Variants in PC observed in about 807,000 individuals in gnomAD.
PC encodes pyruvate carboxylase, mitochondrial.
A neutral mutation model predicts 107.8 loss-of-function variants in PC; 46 were observed. The ratio of observed to expected loss-of-function variants is 0.43; its 90% CI spans 0.34 to 0.55. The LOEUF is 0.55. Ranked by LOEUF, PC falls within the 20% of genes least tolerant of loss-of-function variation. The pLI is 0.04. For missense variants in PC, 1,241 were observed against 1,643.1 expected (o/e 0.76, Z 4.23); for synonymous variants, 662 against 684.7 (o/e 0.97, Z 0.52).
At chr11:66,956,020 G>A (rs1301080532) in intron 1 of PC, among the ~76,000 whole-genome samples, 3 of 151,894 alleles carry the variant, frequency 2.0e-5, no homozygotes, top group South Asian at 2.1e-4. Context: ...TGATCCACCC[G>A]CCTCGGCCTC....
intron 3 of PC, among the ~76,000 whole-genome samples, chr11:66,918,381 C>T (rs1298493328): frequency 2.0e-5 from 3 of 151,156 alleles, no homozygotes; most frequent in African/African-American, 7.3e-5. Flanking sequence ...AAAACATATA[C>T]AAAATCTACT....
In PC at chr11:66,858,306, G is replaced by A. The variant is rs780855988; in HGVS notation, c.1369-4923C>T. 15 of 1,610,146 alleles carry A rather than the reference G, an allele frequency of 9.3e-6. No homozygotes were observed. The highest frequency in any genetic ancestry group is 6.7e-5 in the Admixed American group (4 of 59,950). On this transcript the variant is annotated intron_variant, in intron 12 of 22. Transcript: ENST00000393960. The surrounding 1 kb of genome is among the most constrained non-coding windows in gnomAD (Gnocchi z 5.9). ...CCTTATTGACGCACTGCCCCCAGGC[G>A]CCTTCGCCCAGCTCGGTCAGCTCTC...
chr11:66,858,739 C>G lies in PC; in HGVS notation c.1368+5035G>C. On this transcript the variant is annotated intron_variant, in intron 12 of 22. Coordinates refer to ENST00000393960, the MANE Select transcript of PC (RefSeq NM_001040716.2). This position sits in a 1 kb window ranked among gnomAD's most constrained non-coding sequence, Gnocchi z 5.9. ...AACTCCTCCCGAGCCCGGGCTTTCC[C>G]CAACGGGACCTTAGAGATTGGGGTG... 1 of 1,553,196 alleles carries G rather than the reference C, an allele frequency of 6.4e-7. No homozygotes were observed. Among genetic ancestry groups the G allele is most frequent in the Non-Finnish European group, 8.7e-7 (1 of 1,148,050 alleles).
chr11:66,937,572 CAT>C (rs1949029524), intron 3 of PC, among the ~76,000 whole-genome samples: 1 of 152,042 alleles, frequency 6.6e-6, no homozygotes, highest in South Asian at 2.1e-4. Flanking sequence ...TCTCATGATG[CAT>C]ATGTTGATTT....
Position 66,870,498 on chromosome 11 carries a change from A to C in PC, c.752-45T>G. 6.2e-7 allele frequency: 1 copy of C among 1,600,918 alleles called. No individual in the cohort carries two copies. Among genetic ancestry groups the C allele is most frequent in the Non-Finnish European group, 8.5e-7 (1 of 1,174,476 alleles). On this transcript the variant is annotated intron_variant, in intron 8 of 22. Transcript: ENST00000393960. The surrounding 1 kb of genome is among the most constrained non-coding windows in gnomAD (Gnocchi z 6.1). ...GGGCTTAGCTTTTACTGGAATCTAC[A>C]CGCCTCCTAAATGCCCCATCACCCC...
intron 12 of PC, chr11:66,859,989 C>T (rs770897306): frequency 1.3e-6 from 2 of 1,599,060 alleles, no homozygotes; most frequent in Admixed American, 1.7e-5. Context: ...CAGCCCCACA[C>T]CCAAGGCCCA....
In PC at chr11:66,870,954, A is replaced by G. The variant is rs1180232722; in HGVS notation, c.634-62T>C. On this transcript the variant is annotated intron_variant, in intron 7 of 22. Transcript: ENST00000393960. The surrounding 1 kb of genome is among the most constrained non-coding windows in gnomAD (Gnocchi z 6.1). ...CCCACAGCGCTACCTCTCCCCTGCC[A>G]TGAACCCCACCCACTTTCCAGATCC... 8.7e-6 allele frequency: 14 copies of G among 1,605,526 alleles called. No individual in the cohort carries two copies. Among genetic ancestry groups the G allele is most frequent in the Non-Finnish European group, 1.2e-5 (14 of 1,175,044 alleles).
Position 66,850,855 on chromosome 11 carries a change from G to T in PC, c.2292C>A (p.Pro764=). 1.2e-6 allele frequency: 2 copies of T among 1,611,726 alleles called. No individual in the cohort carries two copies. The highest frequency in any genetic ancestry group is 1.7e-6 in the Non-Finnish European group (2 of 1,179,972). The part of the protein sequence containing the change: ...MLVSSLRDRF[P]DLPLHIHTHD... ...GGGTGTGGATGTGCAGTGGGAGGTC[G>T]GGGAAGCGGTCCCGGAGGGAGCTGA... Residue 764 remains proline, a synonymous_variant, in exon 18 of 23, where the codon CCC becomes CCA. Transcript: ENST00000393960.
Position 66,851,840 on chromosome 11 carries a change from C to T in PC, c.1932G>A (p.Arg644=). 1 of 1,614,178 alleles carries T rather than the reference C, an allele frequency of 6.2e-7. No homozygotes were observed. Among genetic ancestry groups the T allele is most frequent in the Non-Finnish European group, 8.5e-7 (1 of 1,180,028 alleles). The change falls in exon 16 of 23, where the codon CGG becomes CGA. Residue 644 remains arginine (R), a synonymous_variant. Transcript: ENST00000393960. ...TGGTGTAGCCCACAGCATTGGCCCC[C>T]CGCAGCAGCATCTGGAAAGGGATGT... ...IPNIPFQMLL[R]GANAVGYTNY...
chr11:66,923,080 C>T (rs1239135717), intron 3 of PC, among the ~76,000 whole-genome samples: 2 of 152,116 alleles, frequency 1.3e-5, no homozygotes, highest in Non-Finnish European at 2.9e-5. Context: ...AGAAGTCGGG[C>T]TAGGCACCGG....
intron 3 of PC, among the ~76,000 whole-genome samples, chr11:66,884,393 C>T (rs947772714): frequency 6.6e-6 from 1 of 151,758 alleles, no homozygotes; most frequent in South Asian, 2.1e-4. Flanking sequence ...GCCTGGGCAA[C>T]AGAGCAAGAC....
chr11:66,907,347 G>A (rs190498553), intron 3 of PC, among the ~76,000 whole-genome samples: 1 of 152,294 alleles, frequency 6.6e-6, no homozygotes, highest in African/African-American at 2.4e-5. Context: ...GGCCAGCATG[G>A]TGAAACCCCG....
intron 12 of PC, among the ~76,000 whole-genome samples, chr11:66,863,189 A>T (rs1220388701): frequency 6.6e-6 from 1 of 151,928 alleles, no homozygotes; most frequent in Non-Finnish European, 1.5e-5. Context: ...AAAATACAAA[A>T]ATTAGCCGGG....
rs145333590 is a variant in PC at position 66,871,124 on chromosome 11, G to A, written c.561C>T (p.Tyr187=). ...CCGCCTTGAAGATGATGGGGAAGCC[G>A]TAGGTGTTGGAGAACTCGTGGGCCT... ...LHEAHEFSNT[Y]GFPIIFKAAY... The change falls in exon 7 of 23, where the codon TAC becomes TAT. Residue 187 remains tyrosine, a synonymous_variant. Transcript: ENST00000393960. The surrounding 1 kb of genome is among the most constrained non-coding windows in gnomAD (Gnocchi z 7.4). 85 of 1,613,816 alleles carry A rather than the reference G, an allele frequency of 5.3e-5. No individual in the cohort carries two copies. Among genetic ancestry groups the A allele is most frequent in the South Asian group, 6.6e-5 (6 of 91,020 alleles).
At chr11:66,885,966 C>A (rs376029991) in intron 3 of PC, among the ~76,000 whole-genome samples, 2 of 152,226 alleles carry the variant, frequency 1.3e-5, no homozygotes, top group African/African-American at 4.8e-5. Context: ...AAAAATACCC[C>A]CCTCTCATCC....
intron 10 of PC, among the ~76,000 whole-genome samples, chr11:66,867,901 C>T (rs1367189796): frequency 6.6e-6 from 1 of 152,244 alleles, no homozygotes; most frequent in African/African-American, 2.4e-5. Context: ...TCCTCAGTCT[C>T]AGGTGGGGTT....
In PC at chr11:66,896,151, C is replaced by G. The variant is rs142573081; in HGVS notation, c.1-23992G>C. 2.3e-4 allele frequency among the ~76,000 whole-genome samples: 35 copies of G among 152,226 alleles called. No individual in the cohort carries two copies. In the East Asian group the frequency reaches 6.6e-3, roughly 29 times the overall value. ...CTGGAGTGCAGTGGCACAATCTCAGCTCACTGCAACCTCCACCTCTTGGGT... is the reference window on the plus strand; with the variant it reads ...CTGGAGTGCAGTGGCACAATCTCAGGTCACTGCAACCTCCACCTCTTGGGT... On this transcript the variant is annotated intron_variant, in intron 3 of 22. Transcript: ENST00000393960.
intron 3 of PC, among the ~76,000 whole-genome samples, chr11:66,927,363 G>C (rs1412233327): frequency 6.7e-6 from 1 of 150,296 alleles, no homozygotes; most frequent in Admixed American, 6.7e-5. Flanking sequence ...TCTCTGATAG[G>C]AAACACACAC....
At chr11:66,939,888 A>G (rs547427952) in intron 3 of PC, among the ~76,000 whole-genome samples, 1 of 151,478 alleles carries the variant, frequency 6.6e-6, no homozygotes, top group Non-Finnish European at 1.5e-5. Context: ...AAAGAATGAA[A>G]TTGGACCCTT....
Sources: allele counts gnomAD v4.1 joint callset (sites outside exome capture counted in the v4.1 genomes callset), GRCh38; gene constraint gnomAD v4.1.1; non-coding constraint Gnocchi (gnomAD v3.1); transcripts MANE v1.5; gene names NCBI Gene and HGNC (gene_info 2026-07-23, HGNC 2026-07-21).